SORCS1: variants seen among roughly 807,000 people sequenced by gnomAD.
The protein encoded by SORCS1 is VPS10 domain-containing receptor SorCS1.
SORCS1 carries 60 observed loss-of-function variants against 146.1 expected under a neutral mutation model. The ratio of observed to expected loss-of-function variants is 0.41; its 90% confidence interval spans 0.33 to 0.51. SORCS1 has a LOEUF of 0.51. Among genes scored for constraint, SORCS1 ranks in the 20% least tolerant of loss-of-function variants. The probability of loss-of-function intolerance (pLI) is 0.21; values close to 1 mark genes in which losing one functional copy is unlikely to be tolerated. For missense variants in SORCS1, 1,352 were observed against 1,487.6 expected (o/e 0.91, Z 1.50); for synonymous variants, 637 against 584.0 (o/e 1.09, Z -1.31).
intron 3 of SORCS1, among the ~76,000 whole-genome samples, chr10:106,777,139 TC>T (rs1277937986): frequency 6.6e-6 from 1 of 152,170 alleles, no homozygotes; most frequent in African/African-American, 2.4e-5. Flanking sequence ...CTACCTCGAA[TC>T]TTTTCATTCC....
chr10:106,976,808 C>A (rs891306014), intron 1 of SORCS1, among the ~76,000 whole-genome samples: 3 of 152,060 alleles, frequency 2.0e-5, no homozygotes, highest in African/African-American at 7.2e-5. Flanking sequence ...GTTTTCTGTT[C>A]CTGTGTTTGC....
intron 18 of SORCS1, among the ~76,000 whole-genome samples, chr10:106,634,032 T>C (rs1056674690): frequency 2.0e-5 from 3 of 152,182 alleles, no homozygotes; most frequent in Non-Finnish European, 2.9e-5. Flanking sequence ...CTGATTTTAA[T>C]ATGATGAAAA....
At chr10:106,601,149 C>T (rs754807425) in intron 23 of SORCS1, among the ~76,000 whole-genome samples, 3 of 152,074 alleles carry the variant, frequency 2.0e-5, no homozygotes, top group Non-Finnish European at 2.9e-5. Context: ...ATGGCAACAG[C>T]CTAAATGAGA....
At chr10:106,660,372 C>T (rs1850634475) in intron 17 of SORCS1, among the ~76,000 whole-genome samples, 1 of 152,200 alleles carries the variant, frequency 6.6e-6, no homozygotes, top group Non-Finnish European at 1.5e-5. Flanking sequence ...TCACCTCAAA[C>T]ATTTATCCTT....
At chr10:106,806,337 C>T (rs1192452698) in intron 3 of SORCS1, among the ~76,000 whole-genome samples, 4 of 149,812 alleles carry the variant, frequency 2.7e-5, no homozygotes, top group Non-Finnish European at 5.9e-5. Context: ...CATTGTACTC[C>T]AGCCTGGGTG....
At chr10:106,693,938 C>A (rs925887246) in intron 9 of SORCS1, among the ~76,000 whole-genome samples, 6 of 152,128 alleles carry the variant, frequency 3.9e-5, no homozygotes, top group Non-Finnish European at 8.8e-5. Context: ...CTACCTACCA[C>A]CCTCTCAGTC....
chr10:106,775,226 G>A (rs1860338966), intron 4 of SORCS1, among the ~76,000 whole-genome samples: 1 of 152,242 alleles, frequency 6.6e-6, no homozygotes. Context: ...TAACAACCCT[G>A]TGGATTAAAT....
chr10:107,063,488 C>T (rs1259407410), intron 1 of SORCS1, among the ~76,000 whole-genome samples: 1 of 152,080 alleles, frequency 6.6e-6, no homozygotes, highest in Non-Finnish European at 1.5e-5. Context: ...AAAAAGTAAC[C>T]ATGTGTACCA....
At chr10:107,148,658 C>T (rs1209476892) in intron 1 of SORCS1, among the ~76,000 whole-genome samples, 4 of 152,146 alleles carry the variant, frequency 2.6e-5, no homozygotes, top group Non-Finnish European at 2.9e-5. Flanking sequence ...TTTTCAATAC[C>T]TGGATTTAAG....
At chr10:106,609,958 T>C in intron 22 of SORCS1, among the ~76,000 whole-genome samples, 1 of 152,110 alleles carries the variant, frequency 6.6e-6, no homozygotes, top group East Asian at 1.9e-4. Context: ...GACAGTGGGT[T>C]CGTTAAAGAG....
intron 1 of SORCS1, among the ~76,000 whole-genome samples, chr10:106,976,964 T>G (rs572389745): frequency 6.6e-6 from 1 of 152,324 alleles, no homozygotes; most frequent in East Asian, 1.9e-4. Flanking sequence ...GTTGGTTCCA[T>G]GTCTTTGCTA....
chr10:106,782,991 C>T (rs2136431500), intron 3 of SORCS1, among the ~76,000 whole-genome samples: 1 of 152,252 alleles, frequency 6.6e-6, no homozygotes, highest in Admixed American at 6.5e-5. Context: ...GTCATTCACA[C>T]CATGAGAAGA....
At chr10:107,065,128 T>C (rs1047977499) in intron 1 of SORCS1, among the ~76,000 whole-genome samples, 1 of 152,118 alleles carries the variant, frequency 6.6e-6, no homozygotes, top group African/African-American at 2.4e-5. Context: ...AATGCATTAA[T>C]TGATTGAGGG....
chr10:106,911,135 TCTGTAAA>T (rs1486387305), intron 2 of SORCS1, among the ~76,000 whole-genome samples: 1 of 152,236 alleles, frequency 6.6e-6, no homozygotes, highest in Non-Finnish European at 1.5e-5. Flanking sequence ...GTCAAAGTAT[TCTGTAAA>T]CTGTAAAGCA....
Position 106,577,133 on chromosome 10 carries a change from A to T in SORCS1, c.*287T>A, listed in dbSNP as rs918470699. 1.7e-6 allele frequency: 2 copies of T among 1,158,096 alleles called. No homozygotes were observed. Among genetic ancestry groups the T allele is most frequent in the Non-Finnish European group, 2.3e-6 (2 of 858,650 alleles). The allele number at this position is 1,158,096 out of a possible 1,614,324, so 71.7% of individuals were successfully genotyped here. ...AGAATTAAAAAGTCCCGATGCAGTG[A>T]GTGTTTGTTTGTTTGTTTGGATTTT... is the stretch of plus-strand genomic sequence containing the variant. On this transcript the variant is annotated 3_prime_UTR_variant, in exon 26 of 26. Coordinates refer to ENST00000263054, the MANE Select transcript of SORCS1 (RefSeq NM_052918.5).
chr10:107,151,809 T>C (rs768047296), intron 1 of SORCS1, among the ~76,000 whole-genome samples: 2 of 152,204 alleles, frequency 1.3e-5, no homozygotes, highest in Non-Finnish European at 2.9e-5. Context: ...AAGAAATTTC[T>C]AAGTGGCAAA....
intron 2 of SORCS1, among the ~76,000 whole-genome samples, chr10:106,852,527 C>T (rs1564735853): frequency 6.7e-6 from 1 of 149,482 alleles, no homozygotes; most frequent in African/African-American, 2.5e-5. Flanking sequence ...ACTCAAGAGG[C>T]TGAGGCAGGA....
At chr10:106,754,777 C>A (rs1258982380) in intron 5 of SORCS1, among the ~76,000 whole-genome samples, 1 of 152,112 alleles carries the variant, frequency 6.6e-6, no homozygotes, top group African/African-American at 2.4e-5. Context: ...GAGGGACATC[C>A]TTGAAACATA....
intron 2 of SORCS1, among the ~76,000 whole-genome samples, chr10:106,915,311 C>G (rs529097256): frequency 2.6e-5 from 4 of 152,184 alleles, no homozygotes; most frequent in Non-Finnish European, 5.9e-5. Context: ...ATCATTTACT[C>G]CCTGAGAATT....
Sources: gnomAD v4.1 joint callset for allele counts (sites outside exome capture counted in the v4.1 genomes callset) on GRCh38, gnomAD v4.1.1 for gene constraint, MANE v1.5 for transcripts, NCBI Gene and HGNC (gene_info 2026-07-23, HGNC 2026-07-21) for gene names.